The following ADAMTS6 variants were observed in gnomAD, a reference collection of about 807,000 sequenced individuals.
ADAMTS6 encodes the protein A disintegrin and metalloproteinase with thrombospondin motifs 6.
ADAMTS6 carries 23 observed loss-of-function variants against 144.3 expected under a neutral mutation model. The observed-to-expected ratio is 0.16, with a 90% CI of 0.11 to 0.23. The LOEUF is 0.23. Among genes scored for constraint, ADAMTS6 ranks in the 10% least tolerant of loss-of-function variants. ADAMTS6 has a pLI of 1.00. For synonymous variants in ADAMTS6, 444 were observed against 457.5 expected (o/e 0.97, Z 0.38); for missense variants, 999 against 1,379.6 (o/e 0.72, Z 4.37).
intron 7 of ADAMTS6, among the ~76,000 whole-genome samples, chr5:65,358,851 C>T (rs1749578038): frequency 1.3e-5 from 2 of 152,010 alleles, no homozygotes; most frequent in Non-Finnish European, 2.9e-5. Flanking sequence ...GGACCCTTAA[C>T]TCACATCATA....
chr5:65,387,199 T>C (rs1451043017), intron 7 of ADAMTS6, among the ~76,000 whole-genome samples: 3 of 152,200 alleles, frequency 2.0e-5, no homozygotes, highest in Admixed American at 2.0e-4. Context: ...AGTCTGAAGT[T>C]TAATTTGAAA....
At chr5:65,291,585 A>G in intron 10 of ADAMTS6, 115 bp from the exon 11 acceptor site, 2 of 1,081,404 alleles carry the variant, frequency 1.8e-6, no homozygotes, top group Non-Finnish European at 2.5e-6. Flanking sequence ...AAAACAATAC[A>G]TTCTCCCAAT....
chr5:65,338,830 T>C (rs1246032556), intron 7 of ADAMTS6, among the ~76,000 whole-genome samples: 2 of 152,086 alleles, frequency 1.3e-5, no homozygotes, highest in African/African-American at 4.8e-5. Flanking sequence ...TGCAGCTGTG[T>C]CCTAGGCAAG....
chr5:65,282,191 G>C (rs1292626308), intron 11 of ADAMTS6, among the ~76,000 whole-genome samples: 1 of 152,118 alleles, frequency 6.6e-6, no homozygotes, highest in Non-Finnish European at 1.5e-5. Flanking sequence ...GGCCCCAGGA[G>C]ATCCTAAGAA....
rs773169175 is a variant in ADAMTS6, at chr5:65,402,831, C to A, written c.1073+48644G>T. On this transcript the variant is annotated intron_variant, in intron 7 of 24. Transcript: ENST00000381055. Reference sequence around the variant, plus strand: ...TTCTCACTATCATACAATATATGATCCTAAAAAGCAAAACAAGATGAAATG... The same window carrying A: ...TTCTCACTATCATACAATATATGATACTAAAAAGCAAAACAAGATGAAATG... 3.3e-5 allele frequency among the ~76,000 whole-genome samples: 5 copies of A among 152,060 alleles called. No individual in the cohort carries two copies. The East Asian group carries it at 9.6e-4, about 29-fold the overall frequency.
intron 7 of ADAMTS6, among the ~76,000 whole-genome samples, chr5:65,392,480 G>T (rs1044230674): frequency 9.2e-5 from 14 of 151,954 alleles, no homozygotes; most frequent in African/African-American, 2.9e-4. Flanking sequence ...CTATTTATAG[G>T]CCTATCAATT....
At chr5:65,419,507 T>C (rs1247604978) in intron 7 of ADAMTS6, among the ~76,000 whole-genome samples, 1 of 152,120 alleles carries the variant, frequency 6.6e-6, no homozygotes, top group African/African-American at 2.4e-5. Flanking sequence ...TCACACAATA[T>C]ACTCAGGCAA....
At chr5:65,193,881 C>T (rs1018657780) in intron 21 of ADAMTS6, among the ~76,000 whole-genome samples, 2 of 152,100 alleles carry the variant, frequency 1.3e-5, no homozygotes, top group South Asian at 4.1e-4. Flanking sequence ...TAAACGTTGT[C>T]AAAGACTTCA....
chr5:65,215,268 T>C, intron 19 of ADAMTS6, 56 bp downstream of exon 19: 1 of 1,554,686 alleles, frequency 6.4e-7, no homozygotes, highest in South Asian at 1.2e-5. Flanking sequence ...TGCCCCTTCC[T>C]ACCTCACAAG....
At chr5:65,208,628 A>G (rs1756284320) in intron 20 of ADAMTS6, among the ~76,000 whole-genome samples, 1 of 152,216 alleles carries the variant, frequency 6.6e-6, no homozygotes, top group Non-Finnish European at 1.5e-5. Context: ...AATTCTACCT[A>G]TAAATTATGA....
intron 7 of ADAMTS6, among the ~76,000 whole-genome samples, chr5:65,419,455 A>G (rs374941876): frequency 6.6e-6 from 1 of 152,210 alleles, no homozygotes; most frequent in East Asian, 1.9e-4. Context: ...CACTATGTTC[A>G]CTACTTGGGT....
intron 4 of ADAMTS6, among the ~76,000 whole-genome samples, chr5:65,454,090 A>C (rs1442691208): frequency 6.6e-6 from 1 of 152,164 alleles, no homozygotes; most frequent in African/African-American, 2.4e-5. Context: ...TTCCTGATAA[A>C]AATAATGAGT....
intron 9 of ADAMTS6, among the ~76,000 whole-genome samples, chr5:65,303,020 T>C (rs1456209165): frequency 6.6e-6 from 1 of 152,148 alleles, no homozygotes; most frequent in East Asian, 1.9e-4. Flanking sequence ...CCTTGGAATA[T>C]AAAAACATGG....
Position 65,468,657 on chromosome 5 carries a change from TAGGTGTTAACAG to T in ADAMTS6, c.462+2109_462+2120del, listed in dbSNP as rs1192535826. 4.6e-5 allele frequency among the ~76,000 whole-genome samples: 7 copies of T among 152,076 alleles called. No homozygotes were observed. In the East Asian group the frequency reaches 1.2e-3, roughly 25 times the overall value. On this transcript the variant is annotated intron_variant, in intron 3 of 24. Coordinates refer to ENST00000381055, the MANE Select transcript of ADAMTS6 (RefSeq NM_197941.4). ...AGTGTCAATAAGAGACGAAGTAAAA[TAGGTGTTAACAG>T]AGGGAAAGAGAACAAGAGACAGAAA... is the stretch of plus-strand genomic sequence containing the variant.
intron 13 of ADAMTS6, among the ~76,000 whole-genome samples, chr5:65,261,612 T>C (rs983500211): frequency 6.6e-6 from 1 of 152,216 alleles, no homozygotes; most frequent in Non-Finnish European, 1.5e-5. Context: ...ATATTTTGAA[T>C]GCCAGTGAAT....
intron 7 of ADAMTS6, among the ~76,000 whole-genome samples, chr5:65,390,744 T>G (rs1311447522): frequency 6.6e-6 from 1 of 152,190 alleles, no homozygotes; most frequent in Non-Finnish European, 1.5e-5. Flanking sequence ...TTCTCACATC[T>G]TTGGTTATAT....
At chr5:65,435,352 T>G (rs1757308291) in intron 7 of ADAMTS6, among the ~76,000 whole-genome samples, 1 of 152,156 alleles carries the variant, frequency 6.6e-6, no homozygotes, top group African/African-American at 2.4e-5. Context: ...TTCAACTTTA[T>G]GAGTAATTTT....
At position 65,224,461 on chromosome 5, in the gene ADAMTS6, C is replaced by A. The variant is rs569792402; in HGVS notation, c.2192-61G>T. ...TGGTCAGGAAATGAGTATTTGGTAA[C>A]CATTCAATAGTAATAGTTTCCTTAT... On this transcript the variant is annotated intron_variant, in intron 17 of 24. Coordinates refer to ENST00000381055, the MANE Select transcript of ADAMTS6 (RefSeq NM_197941.4). 6 of 1,364,886 alleles carry A rather than the reference C, an allele frequency of 4.4e-6. No individual in the cohort carries two copies. The East Asian group carries it at 1.1e-4, about 26-fold the overall frequency. 84.5% of individuals were successfully genotyped at this position (1,364,886 alleles called of 1,614,324 possible).
At chr5:65,201,030 T>C (rs931086733) in intron 20 of ADAMTS6, among the ~76,000 whole-genome samples, 2 of 152,196 alleles carry the variant, frequency 1.3e-5, no homozygotes, top group Non-Finnish European at 2.9e-5. Context: ...AAAGGTTCTT[T>C]TATACAATGG....
Sources: gnomAD v4.1 joint callset for allele counts (sites outside exome capture counted in the v4.1 genomes callset) on GRCh38, gnomAD v4.1.1 for gene constraint, MANE v1.5 for transcripts, NCBI Gene and HGNC (gene_info 2026-07-23, HGNC 2026-07-21) for gene names.